The following THSD7B variants were observed in gnomAD, a reference collection of about 807,000 sequenced individuals.
THSD7B encodes thrombospondin type-1 domain-containing protein 7B.
Under a neutral mutation model 213.6 loss-of-function variants are expected in THSD7B, and 138 were observed. The observed-to-expected ratio is 0.65, with a 90% CI of 0.56 to 0.74. The LOEUF (loss-of-function observed/expected upper bound fraction) is 0.74. Among genes scored for constraint, THSD7B ranks in the 30% least tolerant of loss-of-function variants. The probability of loss-of-function intolerance (pLI) is 0.00; values close to 1 mark genes in which losing one functional copy is unlikely to be tolerated. For synonymous variants in THSD7B, 742 were observed against 687.0 expected, an observed-to-expected ratio of 1.08 and a Z score of -1.25; for missense variants, 1,931 against 1,991.5, an observed-to-expected ratio of 0.97 and a Z score of 0.58.
At chr2:137,238,081 T>G (rs1315335146) in intron 9 of THSD7B, among the ~76,000 whole-genome samples, 2 of 152,152 alleles carry the variant, frequency 1.3e-5, no homozygotes, top group East Asian at 3.8e-4. Flanking sequence ...AGTGAGTGTT[T>G]ATGGTGAGTG....
chr2:137,072,576 C>T (rs1472487681), intron 3 of THSD7B, among the ~76,000 whole-genome samples: 1 of 152,082 alleles, frequency 6.6e-6, no homozygotes, highest in African/African-American at 2.4e-5. Flanking sequence ...TCCTCTTTTC[C>T]TAATTGAATA....
At chr2:137,030,658 T>C (rs1481874143) in intron 2 of THSD7B, among the ~76,000 whole-genome samples, 6 of 152,182 alleles carry the variant, frequency 3.9e-5, no homozygotes. Flanking sequence ...ACTCCGAAGT[T>C]ACTCAAGAAT....
chr2:137,047,264 G>T (rs538483789), intron 2 of THSD7B, among the ~76,000 whole-genome samples: 81 of 152,264 alleles, frequency 5.3e-4, no homozygotes, highest in African/African-American at 1.9e-3. Flanking sequence ...AGAGCTGGTG[G>T]GTGATTGAAT....
chr2:136,998,192 A>G (rs1013302829), intron 2 of THSD7B, among the ~76,000 whole-genome samples: 1 of 149,886 alleles, frequency 6.7e-6, no homozygotes, highest in Non-Finnish European at 1.5e-5. Context: ...TTGAAAGCCT[A>G]TAATTTATCC....
At chr2:137,553,771 C>T (rs1680896437) in intron 15 of THSD7B, among the ~76,000 whole-genome samples, 1 of 152,132 alleles carries the variant, frequency 6.6e-6, no homozygotes, top group South Asian at 2.1e-4. Flanking sequence ...ATATGATTCC[C>T]TGATAAAGTC....
chr2:137,347,630 G>T (rs568684609), intron 12 of THSD7B, among the ~76,000 whole-genome samples: 1 of 147,424 alleles, frequency 6.8e-6, no homozygotes, highest in South Asian at 2.1e-4. Flanking sequence ...GGCTTACTTT[G>T]CCTTCTTGGC....
rs1471856389 is a variant in THSD7B at position 137,393,921 on chromosome 2, G to A, written c.2501-11692G>A. Among the ~76,000 whole-genome samples, 2 of 139,566 alleles carry A rather than the reference G, an allele frequency of 1.4e-5. 1 individual carries two copies. 91.6% of individuals were successfully genotyped at this position (139,566 alleles called of 152,430 possible). On this transcript the variant is annotated intron_variant, in intron 12 of 27. Transcript: ENST00000409968. ...TTTCTCTGATGGCCAGTGATGATGA[G>A]CATTTTTTCATATGTTTTTTGGCTG...
chr2:137,487,420 AAC>A (rs1374048028), intron 15 of THSD7B, among the ~76,000 whole-genome samples: 3 of 144,950 alleles, frequency 2.1e-5, no homozygotes, highest in African/African-American at 7.7e-5. Flanking sequence ...AGCAAGAGCA[AAC>A]ACATTCAAAA....
intron 15 of THSD7B, among the ~76,000 whole-genome samples, chr2:137,501,912 G>C (rs1291353989): frequency 6.6e-6 from 1 of 152,196 alleles, no homozygotes; most frequent in Non-Finnish European, 1.5e-5. Context: ...GCAACTGGAA[G>C]TGCTTTATCC....
intron 20 of THSD7B, among the ~76,000 whole-genome samples, chr2:137,631,790 C>T (rs944876598): frequency 1.3e-5 from 2 of 152,078 alleles, no homozygotes; most frequent in Non-Finnish European, 2.9e-5. Context: ...AGAAACTCGA[C>T]GATCTGTGTT....
At chr2:137,178,069 C>CAAA (rs35624670) in intron 7 of THSD7B, among the ~76,000 whole-genome samples, 15 of 57,428 alleles carry the variant, frequency 2.6e-4, no homozygotes, top group Non-Finnish European at 3.7e-4. Flanking sequence ...AACTCCGTCT[C>CAAA]AAAAAAAAAA....
intron 2 of THSD7B, among the ~76,000 whole-genome samples, chr2:136,887,094 A>G (rs1683731329): frequency 6.6e-6 from 1 of 152,188 alleles, no homozygotes; most frequent in African/African-American, 2.4e-5. Flanking sequence ...AATATACACA[A>G]CATAAACTTT....
At chr2:137,391,700 A>T (rs1188296870) in intron 12 of THSD7B, among the ~76,000 whole-genome samples, 3 of 151,834 alleles carry the variant, frequency 2.0e-5, no homozygotes, top group African/African-American at 7.3e-5. Context: ...AAAAAAAAAA[A>T]ACCAACTTCT....
At chr2:137,085,811 T>G (rs924288916) in intron 3 of THSD7B, among the ~76,000 whole-genome samples, 1 of 152,012 alleles carries the variant, frequency 6.6e-6, no homozygotes, top group Admixed American at 6.6e-5. Flanking sequence ...AAGTGTGGCA[T>G]AAAAACCACA....
At chr2:137,038,711 G>A (rs1483743905) in intron 2 of THSD7B, among the ~76,000 whole-genome samples, 1 of 152,224 alleles carries the variant, frequency 6.6e-6, no homozygotes, top group East Asian at 1.9e-4. Context: ...AAAGGGTCAA[G>A]GAGGCAGGGT....
chr2:137,174,167 G>A (rs533526948), intron 7 of THSD7B, among the ~76,000 whole-genome samples: 9 of 152,166 alleles, frequency 5.9e-5, no homozygotes, highest in African/African-American at 2.2e-4. Flanking sequence ...CCATTTTTAG[G>A]CTTTTACATA....
At chr2:137,663,021 T>C (rs115061408) in intron 25 of THSD7B, among the ~76,000 whole-genome samples, 3,773 of 150,212 alleles carry the variant, frequency 0.025, 135 homozygotes, top group African/African-American at 0.086. Flanking sequence ...GCTGAGATTG[T>C]GCCATTGTAC....
intron 14 of THSD7B, among the ~76,000 whole-genome samples, chr2:137,440,739 T>A (rs1254961516): frequency 6.6e-6 from 1 of 152,092 alleles, no homozygotes; most frequent in Non-Finnish European, 1.5e-5. Context: ...TATAAATAAA[T>A]AAGCAAATAA....
At chr2:137,500,961 G>T (rs1415990155) in intron 15 of THSD7B, among the ~76,000 whole-genome samples, 1 of 152,048 alleles carries the variant, frequency 6.6e-6, no homozygotes, top group Non-Finnish European at 1.5e-5. Flanking sequence ...TATTAGAAAG[G>T]TTTAAATCAG....
Sources: gnomAD v4.1 joint callset for allele counts (sites outside exome capture counted in the v4.1 genomes callset) on GRCh38, gnomAD v4.1.1 for gene constraint, MANE v1.5 for transcripts, NCBI Gene and HGNC (gene_info 2026-07-23, HGNC 2026-07-21) for gene names.